BMPR1A: variants seen among roughly 807,000 people sequenced by gnomAD.
The protein encoded by BMPR1A is bone morphogenetic protein receptor type 1A.
In BMPR1A, 7 loss-of-function variants were observed where a neutral mutation model predicts 66.0. The ratio of observed to expected loss-of-function variants is 0.11; its 90% CI spans 0.06 to 0.20. BMPR1A has a LOEUF of 0.20. Ranked by LOEUF, BMPR1A falls within the 10% of genes least tolerant of loss-of-function variation. The pLI, the probability that BMPR1A is intolerant of heterozygous loss-of-function variation, is 1.00. For synonymous variants in BMPR1A, 200 were observed against 229.7 expected (o/e 0.87, Z 1.17); for missense variants, 408 against 669.1 (o/e 0.61, Z 4.31).
intron 2 of BMPR1A, among the ~76,000 whole-genome samples, chr10:86,857,820 CT>C (rs35971727): frequency 0.55 from 81,020 of 146,996 alleles, 23,758 homozygotes; most frequent in East Asian, 0.78. Flanking sequence ...TTATTCGTTT[CT>C]TTTTTTTTTT....
intron 1 of BMPR1A, among the ~76,000 whole-genome samples, chr10:86,825,078 TTC>T (rs1842174103): frequency 7.4e-6 from 1 of 134,386 alleles, no homozygotes; most frequent in Admixed American, 7.5e-5. Flanking sequence ...AGAAATGACA[TTC>T]TTTTTTTTTT....
At chr10:86,828,685 T>A (rs1484000161) in intron 1 of BMPR1A, among the ~76,000 whole-genome samples, 1 of 152,110 alleles carries the variant, frequency 6.6e-6, no homozygotes, top group Non-Finnish European at 1.5e-5. Context: ...ATTTAACTGT[T>A]TTATGTGGTG....
intron 1 of BMPR1A, among the ~76,000 whole-genome samples, chr10:86,763,739 G>C (rs1221076801): frequency 7.3e-5 from 11 of 150,290 alleles, no homozygotes; most frequent in Non-Finnish European, 1.3e-4. Context: ...ATGTTGAGAA[G>C]ATAGACTCTC....
chr10:86,782,724 T>C (rs1841456054), intron 1 of BMPR1A, among the ~76,000 whole-genome samples: 1 of 152,104 alleles, frequency 6.6e-6, no homozygotes, highest in Admixed American at 6.5e-5. Flanking sequence ...TACTGAGTTG[T>C]AGGAGTTTTT....
chr10:86,899,447 G>A (rs1290342781), intron 5 of BMPR1A, among the ~76,000 whole-genome samples: 1 of 152,164 alleles, frequency 6.6e-6, no homozygotes, highest in Non-Finnish European at 1.5e-5. Flanking sequence ...TTTGGACTAC[G>A]ACACCCTCCA....
At position 86,890,097 on chromosome 10, in the gene BMPR1A, A is replaced by G. The variant is rs1043850286; in HGVS notation, c.103A>G (p.Met35Val). ...GGATAGTATGCTTCATGGCACTGGG[A>G]TGAAATCAGACTCCGACCAGAAAAA... The part of the protein sequence containing the change: ...NLDSMLHGTG[M>V]KSDSDQKKSE... Residue 35 changes from methionine (M) to valine (V), a missense_variant, in exon 4 of 13, where the codon ATG becomes GTG. By Grantham distance (21) the Met-to-Val change is conservative (BLOSUM62 1). This residue lies in a region of BMPR1A where 68 missense variants were observed against 83.0 expected (regional missense o/e 0.82). Transcript: ENST00000372037. The G allele has an allele frequency of 1.9e-6, 3 of 1,613,662 alleles. No individual in the cohort carries two copies. Among genetic ancestry groups the G allele is most frequent in the Non-Finnish European group, 2.5e-6 (3 of 1,180,006 alleles).
rs200528013 is a variant in BMPR1A, at chr10:86,758,367, A to AT, written c.-268+1465dup. On this transcript the variant is annotated intron_variant, in intron 1 of 12. Transcript: ENST00000372037. ...CTTAACCTTCCGTCAAAGAGGGAGA[A>AT]TTTTTTTTTTTTTTTTTGTCTTTCT... Among the ~76,000 whole-genome samples, 6,834 of 140,984 alleles carry AT rather than the reference A, an allele frequency of 0.048. 198 individuals carry two copies. The highest frequency in any genetic ancestry group is 0.08 in the African/African-American group (3,057 of 38,172). The allele number at this position is 140,984 out of a possible 152,430, so 92.5% of individuals were successfully genotyped here.
chr10:86,931,354 C>G (rs1217030497), downstream of BMPR1A: 1 of 141,000 alleles, frequency 7.1e-6, no homozygotes, highest in Non-Finnish European at 1.5e-5. Context: ...CCTTGTTTTT[C>G]TTTAATGGAA....
At chr10:86,902,356 A>G (rs1465701315) in intron 7 of BMPR1A, among the ~76,000 whole-genome samples, 1 of 150,456 alleles carries the variant, frequency 6.6e-6, no homozygotes, top group East Asian at 1.9e-4. Context: ...TGAGCTACCT[A>G]TACTTTTCTT....
rs966482469 is a variant in BMPR1A, at chr10:86,887,155, A to G, written c.68-2907A>G. ...GCCTTTGTATTTTGTCACTTTTCAC[A>G]TTGTATTTATTTGCTTTTGTGCTTA... is the stretch of plus-strand genomic sequence containing the variant. On this transcript the variant is annotated intron_variant, in intron 3 of 12. Coordinates refer to ENST00000372037, the MANE Select transcript of BMPR1A (RefSeq NM_004329.3). Among the ~76,000 whole-genome samples, 22 of 152,028 alleles carry G rather than the reference A, an allele frequency of 1.4e-4. No homozygotes were observed. The East Asian group carries it at 3.9e-3, about 27-fold the overall frequency.
chr10:86,846,546 CA>C (rs1842487032), intron 2 of BMPR1A, among the ~76,000 whole-genome samples: 1 of 152,028 alleles, frequency 6.6e-6, no homozygotes, highest in African/African-American at 2.4e-5. Context: ...CCTTTTAATA[CA>C]AAAATTAGCC....
At chr10:86,881,859 T>A (rs763773524) in intron 3 of BMPR1A, among the ~76,000 whole-genome samples, 1 of 152,204 alleles carries the variant, frequency 6.6e-6, no homozygotes, top group Non-Finnish European at 1.5e-5. Flanking sequence ...ATTTGTAATA[T>A]TTATGATACA....
Position 86,819,624 on chromosome 10 carries a change from A to G in BMPR1A, c.-267-19241A>G, listed in dbSNP as rs368337376. ...ACAACTTGAATTTTCATAGCAAACT[A>G]GTTTTTATTGTCAAATTAGAAATTT... On this transcript the variant is annotated intron_variant, in intron 1 of 12. Transcript: ENST00000372037. 1.1e-4 allele frequency among the ~76,000 whole-genome samples: 16 copies of G among 152,306 alleles called. No homozygotes were observed. The East Asian group carries it at 3.1e-3, about 29-fold the overall frequency.
Position 86,900,066 on chromosome 10 carries a change from T to G in BMPR1A, c.470T>G (p.Leu157Arg), listed in dbSNP as rs751260747. Residue 157 changes from leucine (L) to arginine (R), a missense_variant, in exon 7 of 13, where the codon CTC (leucine) becomes CGC (arginine). Physicochemically the swap from Leu to Arg is moderately radical, Grantham distance 102 (BLOSUM62 -2). Transcript: ENST00000372037. ...FDGSIRWLVL[L>R]ISMAVCIIAM... Reference sequence around the variant, plus strand: ...GGCAGCATTCGATGGCTGGTTTTGCTCATTTCTATGGCTGTCTGCATAATT... The same window carrying G: ...GGCAGCATTCGATGGCTGGTTTTGCGCATTTCTATGGCTGTCTGCATAATT... The G allele has an allele frequency of 1.2e-6, 2 of 1,614,170 alleles. No homozygotes were observed. The highest frequency in any genetic ancestry group is 2.2e-5 in the South Asian group (2 of 91,082).
intron 1 of BMPR1A, among the ~76,000 whole-genome samples, 181 bp from the exon 2 acceptor site, chr10:86,838,684 T>C (rs1309973260): frequency 6.6e-6 from 1 of 152,100 alleles, no homozygotes; most frequent in Non-Finnish European, 1.5e-5. Context: ...AATGTAAAGC[T>C]TGGGCAGAGG....
At chr10:86,900,181 C>T (rs1425534546) in intron 7 of BMPR1A, 55 bp downstream of exon 7, 13 of 1,549,746 alleles carry the variant, frequency 8.4e-6, no homozygotes, top group South Asian at 3.4e-5. Flanking sequence ...AGATGTCAAC[C>T]GCTGTTTGTA....
intron 8 of BMPR1A, 138 bp from the exon 9 acceptor site, chr10:86,916,996 A>C (rs1236819179): frequency 1.0e-6 from 1 of 982,458 alleles, no homozygotes; most frequent in Non-Finnish European, 1.6e-6. Flanking sequence ...CCATCTCAAA[A>C]AAAAAAAAGT....
intron 2 of BMPR1A, among the ~76,000 whole-genome samples, chr10:86,857,098 G>T (rs959287471): frequency 6.6e-6 from 1 of 151,802 alleles, no homozygotes; most frequent in African/African-American, 2.4e-5. Flanking sequence ...TTATATGTAG[G>T]TGTAATGGAA....
intron 7 of BMPR1A, among the ~76,000 whole-genome samples, chr10:86,904,145 C>G (rs1380719220): frequency 1.3e-5 from 2 of 152,194 alleles, no homozygotes; most frequent in African/African-American, 4.8e-5. Context: ...CTCAAGTGAT[C>G]CACCTGCCTC....
Sources: gnomAD v4.1 joint callset for allele counts (sites outside exome capture counted in the v4.1 genomes callset) on GRCh38, gnomAD v4.1.1 for gene constraint, gnomAD v4.1.1 regional missense constraint, MANE v1.5 for transcripts, NCBI Gene and HGNC (gene_info 2026-07-23, HGNC 2026-07-21) for gene names.